CCDC30: variants seen among roughly 807,000 people sequenced by gnomAD.
CCDC30 encodes coiled-coil domain-containing protein 30.
In CCDC30, 70 loss-of-function variants were observed where a neutral mutation model predicts 100.2. The ratio of observed to expected loss-of-function variants is 0.70; its 90% CI spans 0.58 to 0.85. CCDC30 has a LOEUF of 0.85. Among genes scored for constraint, CCDC30 ranks in the 40% least tolerant of loss-of-function variants. CCDC30 has a pLI of 0.00. For synonymous variants in CCDC30, 233 were observed against 269.5 expected (o/e 0.86, Z 1.33); for missense variants, 652 against 771.2 (o/e 0.85, Z 1.83).
chr1:42,539,457 A>G, intron 6 of CCDC30, 147 bp downstream of exon 8: 1 of 567,128 alleles, frequency 1.8e-6, no homozygotes, highest in Admixed American at 3.9e-5. Context: ...ATACTGCCAT[A>G]TACTGTGGAT....
At chr1:42,546,385 CAAA>C (rs1159008864) in intron 6 of CCDC30, among the ~76,000 whole-genome samples, 3 of 5,010 alleles carry the variant, frequency 6.0e-4, no homozygotes, top group Admixed American at 2.3e-3. Context: ...AATTCTGTCT[CAAA>C]AAAAAAAAAA....
intron 1 of CCDC30, among the ~76,000 whole-genome samples, chr1:42,469,890 A>C (rs962273856): frequency 5.3e-5 from 8 of 152,224 alleles, no homozygotes; most frequent in African/African-American, 1.9e-4. Flanking sequence ...TGAGTGAAAT[A>C]GTAACAGAAA....
At chr1:42,594,377 G>C (rs1436208218) in intron 10 of CCDC30, 1 of 152,228 alleles carries the variant, frequency 6.6e-6, no homozygotes, top group Non-Finnish European at 1.5e-5. Flanking sequence ...AGCTGGGCCT[G>C]ATGGTGTGCA....
At chr1:42,549,131 G>A (rs1645199850) in intron 6 of CCDC30, among the ~76,000 whole-genome samples, 1 of 152,166 alleles carries the variant, frequency 6.6e-6, no homozygotes, top group South Asian at 2.1e-4. Context: ...AAATTACCTT[G>A]TAAGATGAGG....
rs150537682 is a variant in CCDC30 at position 42,538,384 on chromosome 1, C to T, written c.457-27912C>T. Among the ~76,000 whole-genome samples the T allele has an allele frequency of 4.0e-3, 602 of 151,366 alleles. 3 individuals are homozygous for T. Among genetic ancestry groups the T allele is most frequent in the African/African-American group, 0.014 (574 of 41,300 alleles). ...AAAACATCAGAGGATTAAAGAAAAC[C>T]CTGGTTAATTAAGTCACTGAATATA... is the stretch of plus-strand genomic sequence containing the variant. On this transcript the variant is annotated intron_variant, in intron 6 of 16. Transcript: ENST00000668663.
intron 1 of CCDC30, chr1:42,468,576 T>C (rs1464746400): frequency 2.6e-5 from 4 of 152,222 alleles, no homozygotes; most frequent in Admixed American, 2.0e-4. Context: ...ATAGTAAATA[T>C]TAAAGGACAC....
the CCDC30 span, chr1:42,457,618 C>T: frequency 2.2e-6 from 1 of 460,024 alleles, no homozygotes; most frequent in South Asian, 2.7e-5. Context: ...CTGGGGGAGT[C>T]GATGAAGCTT....
At chr1:42,511,158 A>G (rs1337496563) in intron 6 of CCDC30, among the ~76,000 whole-genome samples, 1 of 152,082 alleles carries the variant, frequency 6.6e-6, no homozygotes, top group Non-Finnish European at 1.5e-5. Flanking sequence ...CCTGGGTCCC[A>G]GCACCTTGTT....
At chr1:42,491,240 A>G (rs955343672) in intron 4 of CCDC30, among the ~76,000 whole-genome samples, 5 of 152,254 alleles carry the variant, frequency 3.3e-5, no homozygotes, top group African/African-American at 1.2e-4. Context: ...TGATATTTAT[A>G]GAAAATTTTA....
rs1309856965 is a variant in CCDC30 at position 42,535,709 on chromosome 1, T to TTA, written c.457-30578_457-30577dup. Among the ~76,000 whole-genome samples, 3 of 86,052 alleles carry TTA rather than the reference T, an allele frequency of 3.5e-5. 1 individual carries two copies. The highest frequency in any genetic ancestry group is 4.7e-5 in the African/African-American group (1 of 21,410). The allele number at this position is 86,052 out of a possible 152,430, so 56.5% of individuals were successfully genotyped here. On this transcript the variant is annotated intron_variant, in intron 6 of 16. Transcript: ENST00000668663. The stretch of plus-strand genomic sequence containing the variant: ...ATCCCATCACTACTATATATATATA[T>TTA]TATATATATAAATTTTAAAAAATTA...
chr1:42,543,156 G>T (rs1416915987), intron 6 of CCDC30, among the ~76,000 whole-genome samples: 13 of 151,756 alleles, frequency 8.6e-5, no homozygotes, highest in Admixed American at 8.5e-4. Context: ...TGTATTTTTA[G>T]TAGAGACGGG....
chr1:42,493,923 C>T (rs1644186840), intron 4 of CCDC30, among the ~76,000 whole-genome samples: 1 of 151,830 alleles, frequency 6.6e-6, no homozygotes, highest in South Asian at 2.1e-4. Flanking sequence ...AGTTAAAAAC[C>T]TTCCCATGGG....
chr1:42,499,575 A>G (rs891156729), intron 6 of CCDC30, among the ~76,000 whole-genome samples: 2 of 152,126 alleles, frequency 1.3e-5, no homozygotes, highest in African/African-American at 4.8e-5. Flanking sequence ...TTCCAGGCCC[A>G]AGCCATCCTC....
At chr1:42,635,091 T>C (rs925064028) in intron 11 of CCDC30, among the ~76,000 whole-genome samples, 1 of 152,220 alleles carries the variant, frequency 6.6e-6, no homozygotes, top group African/African-American at 2.4e-5. Context: ...AGTCTCCCTC[T>C]GTTGCCCAGG....
chr1:42,635,077 A>G (rs1330769859), intron 11 of CCDC30, among the ~76,000 whole-genome samples: 2 of 151,944 alleles, frequency 1.3e-5, no homozygotes, highest in African/African-American at 4.8e-5. Context: ...GTTTTTTGAG[A>G]TGAAGTCTCC....
Position 42,632,616 on chromosome 1 carries a change from C to T in CCDC30, c.1278-4621C>T, listed in dbSNP as rs186725871. 6.9e-3 allele frequency among the ~76,000 whole-genome samples: 1,026 copies of T among 148,074 alleles called. 11 individuals are homozygous for T. The highest frequency in any genetic ancestry group is 0.024 in the African/African-American group (976 of 40,110). On this transcript the variant is annotated intron_variant, in intron 11 of 16. Coordinates refer to ENST00000668663, the Ensembl canonical transcript of CCDC30. ...TCTCTACTAAAAATACAAAATTAGC[C>T]GGGCGTGATGGTGCATGCCTGTAAT... is the stretch of plus-strand genomic sequence containing the variant.
chr1:42,635,187 A>G (rs926461289), intron 11 of CCDC30, among the ~76,000 whole-genome samples: 4 of 151,948 alleles, frequency 2.6e-5, no homozygotes, highest in Non-Finnish European at 5.9e-5. Flanking sequence ...TCCTGAATAC[A>G]GGTGCCCGCC....
intron 9 of CCDC30, among the ~76,000 whole-genome samples, chr1:42,585,316 T>G (rs1646046604): frequency 6.6e-6 from 1 of 152,110 alleles, no homozygotes; most frequent in Admixed American, 6.5e-5. Context: ...CCCAGGCTGG[T>G]CTCAAGTTCC....
intron 12 of CCDC30, among the ~76,000 whole-genome samples, chr1:42,641,518 C>A (rs1647389974): frequency 6.6e-6 from 1 of 151,334 alleles, no homozygotes; most frequent in South Asian, 2.1e-4. Context: ...ACCACTGCAC[C>A]CCAGTCTGGA....
Sources: allele counts gnomAD v4.1 joint callset (sites outside exome capture counted in the v4.1 genomes callset), GRCh38; gene constraint gnomAD v4.1.1; transcripts MANE v1.5; gene names NCBI Gene and HGNC (gene_info 2026-07-23, HGNC 2026-07-21).